Variants in PTPRD observed in about 807,000 individuals in gnomAD.
The protein encoded by PTPRD is receptor-type tyrosine-protein phosphatase delta.
In PTPRD, 34 loss-of-function variants were observed where a neutral mutation model predicts 214.5. That is an observed-to-expected ratio of 0.16 (90% confidence interval 0.12 to 0.21). PTPRD has a LOEUF of 0.21. Among genes scored for constraint, PTPRD ranks in the 10% least tolerant of loss-of-function variants. The probability of loss-of-function intolerance (pLI) is 1.00; values close to 1 mark genes in which losing one functional copy is unlikely to be tolerated. For synonymous variants in PTPRD, 1,128 were observed against 845.7 expected (o/e 1.33, Z -5.79); for missense variants, 2,545 against 2,398.7 (o/e 1.06, Z -1.27).
chr9:9,212,983 C>G (rs1181078395), intron 9 of PTPRD, among the ~76,000 whole-genome samples: 1 of 152,108 alleles, frequency 6.6e-6, no homozygotes, highest in East Asian at 1.9e-4. Context: ...ATTCTAACTC[C>G]TATAACTGTG....
chr9:9,912,462 G>A (rs1353175574), intron 5 of PTPRD, among the ~76,000 whole-genome samples: 1 of 152,090 alleles, frequency 6.6e-6, no homozygotes, highest in Non-Finnish European at 1.5e-5. Flanking sequence ...ATAAAATAAT[G>A]TTCTTTTTGC....
At chr9:10,322,560 C>T (rs2096571626) in intron 3 of PTPRD, among the ~76,000 whole-genome samples, 1 of 152,034 alleles carries the variant, frequency 6.6e-6, no homozygotes, top group African/African-American at 2.4e-5. Flanking sequence ...AATTTTCTCC[C>T]TCAAACCTTA....
chr9:10,418,951 T>C (rs556302299), intron 2 of PTPRD, among the ~76,000 whole-genome samples: 1 of 151,914 alleles, frequency 6.6e-6, no homozygotes, highest in East Asian at 2.0e-4. Flanking sequence ...GTCTCTACTC[T>C]CACTTGTTTT....
chr9:9,010,792 G>T (rs78141329), intron 11 of PTPRD, among the ~76,000 whole-genome samples: 3,240 of 152,186 alleles, frequency 0.021, 116 homozygotes, highest in African/African-American at 0.072. Flanking sequence ...TGTGCCATCA[G>T]TTGCTGACAA....
intron 4 of PTPRD, among the ~76,000 whole-genome samples, chr9:9,974,967 A>C (rs775522268): frequency 3.9e-5 from 6 of 152,206 alleles, no homozygotes; most frequent in Non-Finnish European, 7.3e-5. Flanking sequence ...AAAACTGGCG[A>C]AGAATCTGAA....
chr9:8,729,531 C>G (rs2098631770), intron 12 of PTPRD, among the ~76,000 whole-genome samples: 1 of 152,134 alleles, frequency 6.6e-6, no homozygotes, highest in Admixed American at 6.5e-5. Context: ...ATAATAACAG[C>G]TAACATTCAC....
At chr9:8,897,039 C>A (rs2098621766) in intron 11 of PTPRD, among the ~76,000 whole-genome samples, 1 of 152,134 alleles carries the variant, frequency 6.6e-6, no homozygotes, top group South Asian at 2.1e-4. Context: ...TTTAATATAT[C>A]TACAATACTG....
chr9:8,897,115 G>A (rs552479327), intron 11 of PTPRD, among the ~76,000 whole-genome samples: 1 of 152,154 alleles, frequency 6.6e-6, no homozygotes, highest in African/African-American at 2.4e-5. Context: ...TTACAATATA[G>A]CCATAATATT....
intron 39 of PTPRD, among the ~76,000 whole-genome samples, chr9:8,353,204 C>T (rs2075986003): frequency 6.6e-6 from 1 of 152,134 alleles, no homozygotes; most frequent in Non-Finnish European, 1.5e-5. Context: ...TTCCTTGTTT[C>T]ATTTTGTCCT....
intron 4 of PTPRD, among the ~76,000 whole-genome samples, chr9:10,010,501 C>T (rs1368329249): frequency 1.3e-5 from 2 of 151,556 alleles, no homozygotes; most frequent in Non-Finnish European, 2.9e-5. Flanking sequence ...TGAGGGAGGA[C>T]TTATTCAGGT....
chr9:8,443,716 A>G (rs1455364426), intron 34 of PTPRD, among the ~76,000 whole-genome samples: 1 of 152,152 alleles, frequency 6.6e-6, no homozygotes, highest in Non-Finnish European at 1.5e-5. Context: ...CAGGGACAGC[A>G]GACACTTTAA....
chr9:10,384,000 G>A (rs1385806863), intron 2 of PTPRD, among the ~76,000 whole-genome samples: 1 of 150,730 alleles, frequency 6.6e-6, no homozygotes, highest in East Asian at 2.0e-4. Flanking sequence ...AAGACAGAGA[G>A]GAGAAGGATG....
intron 6 of PTPRD, among the ~76,000 whole-genome samples, chr9:9,746,580 A>G (rs1477960475): frequency 2.6e-5 from 4 of 152,216 alleles, no homozygotes. Context: ...GATATTCACT[A>G]AATTGGCATA....
chr9:10,162,786 T>C (rs915612978), intron 3 of PTPRD, among the ~76,000 whole-genome samples: 1 of 148,616 alleles, frequency 6.7e-6, no homozygotes, highest in Non-Finnish European at 1.5e-5. Flanking sequence ...GGGGCCTTGA[T>C]CACCCCTCAA....
At position 10,114,165 on chromosome 9, in the gene PTPRD, T is replaced by C. The variant is rs992514561; in HGVS notation, c.-544-80375A>G. 2.0e-5 allele frequency among the ~76,000 whole-genome samples: 3 copies of C among 152,184 alleles called. No homozygotes were observed. In the South Asian group the frequency reaches 6.2e-4, roughly 31 times the overall value. On this transcript the variant is annotated intron_variant, in intron 3 of 45. Coordinates refer to ENST00000381196, the MANE Select transcript of PTPRD (RefSeq NM_002839.4). ...GAAAGAACAGCAGTGTGCCATTATA[T>C]AAGTCATTCAATCCCTTGGTTTTAT...
At chr9:9,128,073 G>A (rs1158548045) in intron 10 of PTPRD, among the ~76,000 whole-genome samples, 1 of 152,054 alleles carries the variant, frequency 6.6e-6, no homozygotes, top group Admixed American at 6.6e-5. Context: ...AAAGATGTGG[G>A]CATGACAAGT....
chr9:9,824,060 A>C (rs1384407932), intron 5 of PTPRD, among the ~76,000 whole-genome samples: 1 of 152,030 alleles, frequency 6.6e-6, no homozygotes. Context: ...TTCATGCACA[A>C]AATTATTAAA....
chr9:8,459,717 T>C (rs187656187), intron 33 of PTPRD, among the ~76,000 whole-genome samples: 1 of 152,180 alleles, frequency 6.6e-6, no homozygotes, highest in Non-Finnish European at 1.5e-5. Context: ...ATCCTAACTG[T>C]AGTCAAAGAC....
intron 41 of PTPRD, among the ~76,000 whole-genome samples, chr9:8,340,793 T>A (rs1299452151): frequency 6.6e-6 from 1 of 152,162 alleles, no homozygotes; most frequent in Non-Finnish European, 1.5e-5. Context: ...TTTCTAGAAA[T>A]TATTCTCACA....
Sources: gnomAD v4.1 joint callset for allele counts (sites outside exome capture counted in the v4.1 genomes callset) on GRCh38, gnomAD v4.1.1 for gene constraint, MANE v1.5 for transcripts, NCBI Gene and HGNC (gene_info 2026-07-23, HGNC 2026-07-21) for gene names.